Variants in PEDS1 observed in about 807,000 individuals in gnomAD.
The protein encoded by PEDS1 is plasmanylethanolamine desaturase 1.
A neutral mutation model predicts 35.2 loss-of-function variants in PEDS1; 14 were observed. That is an observed-to-expected ratio of 0.40 (90% CI 0.26 to 0.62). The LOEUF is 0.62. PEDS1 is among the 20% of genes least tolerant of loss of function. PEDS1 has a pLI of 0.44. For synonymous variants in PEDS1, 152 were observed against 152.0 expected (o/e 1.00, Z 0.00); for missense variants, 260 against 367.8 (o/e 0.71, Z 2.40).
rs1040173996 is a variant in PEDS1, at chr20:50,143,382, G to C, written c.241+120C>G. ...TGCAATAGGGAGGTGGGGTACTCAA[G>C]GCACATACTGGACTCAAGCACACAC... On this transcript the variant is annotated intron_variant, in intron 2 of 5. Transcript: ENST00000371652. 40 of 1,476,484 alleles carry C rather than the reference G, an allele frequency of 2.7e-5. No individual in the cohort carries two copies. The African/African-American group carries it at 4.5e-4, about 16-fold the overall frequency. 91.5% of individuals were successfully genotyped at this position (1,476,484 alleles called of 1,614,324 possible).
In PEDS1 at chr20:50,129,458, G is replaced by A; in HGVS notation, c.478+88C>T. On this transcript the variant is annotated intron_variant, in intron 4 of 5. Coordinates refer to ENST00000371652, the MANE Select transcript of PEDS1 (RefSeq NM_199129.4). The surrounding 1 kb of genome is among the most constrained non-coding windows in gnomAD (Gnocchi z 4.2). ...AAACTCTTTTAAAATACCATAAGGA[G>A]CCAAACACATAAGCCCCAGAAGGCT... is the stretch of plus-strand genomic sequence containing the variant. The A allele has an allele frequency of 6.5e-6, 10 of 1,542,164 alleles. No individual in the cohort carries two copies. The highest frequency in any genetic ancestry group is 1.2e-5 in the South Asian group (1 of 83,650).
In PEDS1 at chr20:50,124,913, T is replaced by C. The variant is rs1443196935; in HGVS notation, c.*145A>G. The C allele has an allele frequency of 6.9e-6, 7 of 1,007,718 alleles. No homozygotes were observed. In the South Asian group the frequency reaches 7.9e-5, roughly 11 times the overall value. The allele number at this position is 1,007,718 out of a possible 1,614,324, so 62.4% of individuals were successfully genotyped here. Reference sequence around the variant, plus strand: ...TCAGTGGCTCAAGTATTCTGTGTCATGAGGGGTGGGCTGGGGTACCTGGGC... The same window carrying C: ...TCAGTGGCTCAAGTATTCTGTGTCACGAGGGGTGGGCTGGGGTACCTGGGC... On this transcript the variant is annotated 3_prime_UTR_variant, in exon 6 of 6. Coordinates refer to ENST00000371652, the MANE Select transcript of PEDS1 (RefSeq NM_199129.4).
In PEDS1 at chr20:50,143,618, T is replaced by G; in HGVS notation, c.125A>C (p.Lys42Thr). 6.2e-7 allele frequency: 1 copy of G among 1,613,818 alleles called. No homozygotes were observed. The highest frequency in any genetic ancestry group is 8.5e-7 in the Non-Finnish European group (1 of 1,179,896). The change falls in exon 2 of 6, where the codon AAG becomes ACG. Residue 42 changes from lysine to threonine, a missense_variant. This residue lies in a region of PEDS1 where 114 missense variants were observed against 121.6 expected (regional missense o/e 0.94). Coordinates refer to ENST00000371652, the MANE Select transcript of PEDS1 (RefSeq NM_199129.4). ...RELAALYSPG[K>T]RLQEWCSVIL... is the part of the protein sequence containing the mutation. ...CACAGAGCACCACTCCTGGAGGCGC[T>G]TGCCTGCAGGGAGCAGAGGCGAGAG...
At chr20:50,140,174 A>C (rs1187171328) in intron 2 of PEDS1, among the ~76,000 whole-genome samples, 1 of 152,214 alleles carries the variant, frequency 6.6e-6, no homozygotes, top group African/African-American at 2.4e-5. Context: ...ACATTCTGGC[A>C]GCTCACCTTT....
At chr20:50,146,297 C>T (rs2081344628) in intron 1 of PEDS1, among the ~76,000 whole-genome samples, 1 of 152,158 alleles carries the variant, frequency 6.6e-6, no homozygotes, top group Non-Finnish European at 1.5e-5. Flanking sequence ...CCTCCTCTGA[C>T]CCCACACTCC....
intron 1 of PEDS1, among the ~76,000 whole-genome samples, chr20:50,147,654 A>G (rs1281012090): frequency 6.6e-6 from 1 of 152,214 alleles, no homozygotes; most frequent in Non-Finnish European, 1.5e-5. Flanking sequence ...GCCATGGAGA[A>G]CGTCCTCCAA....
In PEDS1 at chr20:50,121,554, TAAG is replaced by T. The variant is rs1000229490; in HGVS notation, c.*3501_*3503del. 1 of 152,224 alleles carries T rather than the reference TAAG, an allele frequency of 6.6e-6. No homozygotes were observed. The highest frequency in any genetic ancestry group is 2.4e-5 in the African/African-American group (1 of 41,442). The allele number at this position is 152,224 out of a possible 1,614,324, so 9.4% of individuals were successfully genotyped here. ...TGCAAAGTTAAGTGCTCAGTAATAT[TAAG>T]TAGCATTTTCCCCTGTCTGGCCCTC... On this transcript the variant is annotated 3_prime_UTR_variant, in exon 6 of 6. Coordinates refer to ENST00000371652, the MANE Select transcript of PEDS1 (RefSeq NM_199129.4).
Position 50,121,177 on chromosome 20 carries a change from G to C in PEDS1, c.*3881C>G, listed in dbSNP as rs776763171. 8 of 152,220 alleles carry C rather than the reference G, an allele frequency of 5.3e-5. No individual in the cohort carries two copies. Among genetic ancestry groups the C allele is most frequent in the Non-Finnish European group, 1.0e-4 (7 of 68,034 alleles). 9.4% of individuals were successfully genotyped at this position (152,220 alleles called of 1,614,324 possible). On this transcript the variant is annotated 3_prime_UTR_variant, in exon 6 of 6. Coordinates refer to ENST00000371652, the MANE Select transcript of PEDS1 (RefSeq NM_199129.4). Reference sequence around the variant, plus strand: ...TAGATTTCTGGCTCCTGTTTAACCAGCTGCTGTGAGTAGCAGCTGCCCTTT... The same window carrying C: ...TAGATTTCTGGCTCCTGTTTAACCACCTGCTGTGAGTAGCAGCTGCCCTTT...
rs142536000 is a variant in PEDS1, at chr20:50,133,790, AT to A, written c.242-2844del. ...CTTCATTTCTTTCATGGCACTTGTC[AT>A]CCCCTGAGATGGCCTCATTTGTCAT... is the stretch of plus-strand genomic sequence containing the variant. On this transcript the variant is annotated intron_variant, in intron 2 of 5. Transcript: ENST00000371652. Among the ~76,000 whole-genome samples, 415 of 152,308 alleles carry A rather than the reference AT, an allele frequency of 2.7e-3. 1 individual carries two copies. Among genetic ancestry groups the A allele is most frequent in the Non-Finnish European group, 3.3e-3 (223 of 68,022 alleles).
At chr20:50,153,444 A>G (rs2081426605) in intron 1 of PEDS1, 73 bp downstream of exon 1, 1 of 1,246,436 alleles carries the variant, frequency 8.0e-7, no homozygotes, top group South Asian at 3.0e-5. Context: ...CGAGGTTGGG[A>G]CTCCAGTCTG....
At chr20:50,149,136 G>A (rs1296086992) in intron 1 of PEDS1, among the ~76,000 whole-genome samples, 1 of 151,934 alleles carries the variant, frequency 6.6e-6, no homozygotes, top group African/African-American at 2.4e-5. Context: ...CAAAAAAACC[G>A]AAAGAAACAA....
chr20:50,151,599 C>T (rs1285093307), intron 1 of PEDS1, among the ~76,000 whole-genome samples: 1 of 152,220 alleles, frequency 6.6e-6, no homozygotes, highest in Non-Finnish European at 1.5e-5. Context: ...GTGGCTCACG[C>T]CTGTAATCCC....
At chr20:50,135,962 C>T (rs2081229895) in intron 2 of PEDS1, among the ~76,000 whole-genome samples, 1 of 152,196 alleles carries the variant, frequency 6.6e-6, no homozygotes, top group African/African-American at 2.4e-5. Context: ...CATTTATCCA[C>T]CTGGCCATGG....
intron 5 of PEDS1, 40 bp from the exon 6 acceptor site, chr20:50,125,219 G>A (rs369137410): frequency 1.9e-6 from 3 of 1,608,780 alleles, no homozygotes; most frequent in Non-Finnish European, 2.5e-6. Flanking sequence ...ATGGGAGAGA[G>A]TAGTCAAGGG....
intron 2 of PEDS1, among the ~76,000 whole-genome samples, chr20:50,137,281 C>T (rs563632414): frequency 6.6e-6 from 1 of 152,268 alleles, no homozygotes; most frequent in Non-Finnish European, 1.5e-5. Context: ...GACCCACTCA[C>T]AAATCCTAAA....
At chr20:50,131,354 C>T (rs1416455767) in intron 2 of PEDS1, among the ~76,000 whole-genome samples, 1 of 152,162 alleles carries the variant, frequency 6.6e-6, no homozygotes, top group Non-Finnish European at 1.5e-5. Flanking sequence ...GGTGCGGTGG[C>T]TCATGCTTTG....
chr20:50,145,238 A>G (rs1032386231), intron 1 of PEDS1, among the ~76,000 whole-genome samples: 2 of 151,762 alleles, frequency 1.3e-5, no homozygotes, highest in Non-Finnish European at 2.9e-5. Flanking sequence ...AAAATAAAAT[A>G]AATAAAAGGG....
intron 1 of PEDS1, chr20:50,151,149 A>G (rs1401412818): frequency 3.3e-6 from 3 of 916,508 alleles, no homozygotes; most frequent in African/African-American, 1.7e-5. Flanking sequence ...GTGAGCAGAT[A>G]GAAGCAGAGA....
intron 3 of PEDS1, 86 bp downstream of exon 3, chr20:50,130,770 A>C: frequency 1.3e-6 from 2 of 1,523,240 alleles, no homozygotes; most frequent in African/African-American, 1.4e-5. Context: ...CAGATAGGGA[A>C]ACAGTCTTAG....
Sources: gnomAD v4.1 joint callset for allele counts (sites outside exome capture counted in the v4.1 genomes callset) on GRCh38, gnomAD v4.1.1 for gene constraint, gnomAD v4.1.1 regional missense constraint, Gnocchi (gnomAD v3.1) non-coding constraint, MANE v1.5 for transcripts, NCBI Gene and HGNC (gene_info 2026-07-23, HGNC 2026-07-21) for gene names.